FAT3: variants seen among roughly 807,000 people sequenced by gnomAD.
FAT3 encodes the protein protocadherin Fat 3.
FAT3 carries 95 observed loss-of-function variants against 310.2 expected under a neutral mutation model. The observed-to-expected ratio is 0.31, with a 90% confidence interval of 0.26 to 0.36. FAT3 has a LOEUF of 0.36. Ranked by LOEUF, FAT3 falls within the 10% of genes least tolerant of loss-of-function variation. The pLI is 1.00. For synonymous variants in FAT3, 2,314 were observed against 2,192.9 expected, an observed-to-expected ratio of 1.06 and a Z score of -1.54; for missense variants, 5,408 against 5,715.6, an observed-to-expected ratio of 0.95 and a Z score of 1.74.
intron 3 of FAT3, among the ~76,000 whole-genome samples, chr11:92,659,473 A>G (rs528011566): frequency 4.6e-5 from 7 of 152,292 alleles, no homozygotes; most frequent in Admixed American, 4.6e-4. Context: ...TAAACTTCAA[A>G]TAAGGATTCT....
At chr11:92,706,741 C>G (rs772991577) in intron 4 of FAT3, among the ~76,000 whole-genome samples, 1 of 152,176 alleles carries the variant, frequency 6.6e-6, no homozygotes, top group Non-Finnish European at 1.5e-5. Flanking sequence ...AGTTTCTTAT[C>G]TTCCCTTCAC....
chr11:92,430,906 A>G lies in FAT3; in HGVS notation c.3292+75502A>G, dbSNP rs562059308. On this transcript the variant is annotated intron_variant, in intron 2 of 27. Transcript: ENST00000525166. ...GTGCCACATTTTCTTAATCCAGTCT[A>G]TCATTGTTGGACATTTGGGTTGGTT... 2.9e-3 allele frequency among the ~76,000 whole-genome samples: 437 copies of G among 152,136 alleles called. 1 individual carries two copies. The highest frequency in any genetic ancestry group is 9.8e-3 in the African/African-American group (408 of 41,498).
chr11:92,772,353 A>G (rs1946480429), intron 6 of FAT3, among the ~76,000 whole-genome samples: 1 of 152,062 alleles, frequency 6.6e-6, no homozygotes, highest in African/African-American at 2.4e-5. Context: ...CTTAATAGCA[A>G]ATGATCATGT....
chr11:92,856,027 C>T (rs1948970788), intron 19 of FAT3, among the ~76,000 whole-genome samples: 1 of 139,062 alleles, frequency 7.2e-6, no homozygotes, highest in African/African-American at 2.7e-5. Context: ...GTTGCCCAGG[C>T]TAGTGTGCAG....
chr11:92,711,646 C>T lies in FAT3; in HGVS notation c.3669+14201C>T, dbSNP rs192802558. On this transcript the variant is annotated intron_variant, in intron 4 of 27. Transcript: ENST00000525166. ...GTAATACTCTACCTTATAGCATTTACCTACTGAAGGAAAAATTATACAGTG... is the reference window on the plus strand; with the variant it reads ...GTAATACTCTACCTTATAGCATTTATCTACTGAAGGAAAAATTATACAGTG... 1.4e-4 allele frequency among the ~76,000 whole-genome samples: 21 copies of T among 152,258 alleles called. 1 individual carries two copies. The East Asian group carries it at 4.1e-3, about 29-fold the overall frequency.
chr11:92,261,572 G>T (rs905318735), intron 1 of FAT3, among the ~76,000 whole-genome samples: 1 of 152,034 alleles, frequency 6.6e-6, no homozygotes, highest in African/African-American at 2.4e-5. Context: ...ATCTAACTGT[G>T]TGATTTTTTA....
intron 2 of FAT3, among the ~76,000 whole-genome samples, chr11:92,420,403 C>A (rs980806130): frequency 2.0e-5 from 3 of 152,140 alleles, no homozygotes; most frequent in Non-Finnish European, 4.4e-5. Flanking sequence ...AAGGCTGAAC[C>A]AAGTTTGCAT....
At chr11:92,522,048 C>T (rs1305278381) in intron 2 of FAT3, among the ~76,000 whole-genome samples, 26 of 152,106 alleles carry the variant, frequency 1.7e-4, no homozygotes, top group Admixed American at 1.6e-3. Context: ...GCACAGGGTC[C>T]AGTGGATGCC....
In FAT3 at chr11:92,790,539, A is replaced by T. The variant is rs1947014539; in HGVS notation, c.4611+321A>T. ...GCTCTGGGGTTGGTTTGCACCCAGA[A>T]GATTTCATAGAAAAATTGAAAAGAC... is the stretch of plus-strand genomic sequence containing the variant. On this transcript the variant is annotated intron_variant, in intron 8 of 27. Transcript: ENST00000525166. Among the ~76,000 whole-genome samples, 3 of 152,228 alleles carry T rather than the reference A, an allele frequency of 2.0e-5. No individual in the cohort carries two copies. In the South Asian group the frequency reaches 6.2e-4, roughly 32 times the overall value.
At chr11:92,366,594 A>G (rs1211341799) in intron 2 of FAT3, 11 of 525,532 alleles carry the variant, frequency 2.1e-5, no homozygotes, top group Non-Finnish European at 2.3e-5. Flanking sequence ...GTCCTTGTCC[A>G]ATTCATAGAC....
intron 3 of FAT3, among the ~76,000 whole-genome samples, chr11:92,640,848 A>G (rs566339879): frequency 6.6e-6 from 1 of 152,294 alleles, no homozygotes; most frequent in African/African-American, 2.4e-5. Context: ...GTGAATGTGA[A>G]TGTGGCTTCC....
chr11:92,768,687 A>G (rs1946384429), intron 6 of FAT3, among the ~76,000 whole-genome samples: 1 of 152,202 alleles, frequency 6.6e-6, no homozygotes, highest in Admixed American at 6.5e-5. Flanking sequence ...GAAAGAGGGA[A>G]CAATGCGCCT....
chr11:92,575,138 T>C (rs1938410043), intron 3 of FAT3, among the ~76,000 whole-genome samples: 1 of 152,308 alleles, frequency 6.6e-6, no homozygotes, highest in East Asian at 1.9e-4. Flanking sequence ...TTCACTAATA[T>C]CTTTTAGGTA....
intron 2 of FAT3, among the ~76,000 whole-genome samples, chr11:92,434,346 C>T (rs75132072): frequency 1.5e-3 from 227 of 152,160 alleles, no homozygotes; most frequent in African/African-American, 4.1e-3. Context: ...ATAAAAAGGG[C>T]GCATGTCTTA....
At chr11:92,493,863 G>A (rs1952676858) in intron 2 of FAT3, among the ~76,000 whole-genome samples, 1 of 152,004 alleles carries the variant, frequency 6.6e-6, no homozygotes, top group African/African-American at 2.4e-5. Flanking sequence ...CATGGGAAGT[G>A]AAGACACCAG....
intron 1 of FAT3, among the ~76,000 whole-genome samples, chr11:92,278,808 A>G (rs1473104849): frequency 2.0e-5 from 3 of 152,136 alleles, no homozygotes; most frequent in Non-Finnish European, 4.4e-5. Flanking sequence ...TAGTAAAGGT[A>G]TGGAGCTAGA....
chr11:92,339,953 A>G (rs1260908148), intron 1 of FAT3, among the ~76,000 whole-genome samples: 1 of 151,914 alleles, frequency 6.6e-6, no homozygotes, highest in African/African-American at 2.4e-5. Flanking sequence ...TCTACTAAAA[A>G]TACAAAAAAT....
intron 2 of FAT3, among the ~76,000 whole-genome samples, chr11:92,455,021 G>T (rs965594822): frequency 2.6e-5 from 4 of 152,086 alleles, no homozygotes; most frequent in Non-Finnish European, 5.9e-5. Context: ...TTATAGAACA[G>T]GGAGTTCCCA....
chr11:92,252,406 C>T (rs1865172399), intron 1 of FAT3, among the ~76,000 whole-genome samples: 1 of 151,992 alleles, frequency 6.6e-6, no homozygotes, highest in Non-Finnish European at 1.5e-5. Flanking sequence ...ACTAACAAAC[C>T]ATACTGGTTA....
Sources: allele counts gnomAD v4.1 joint callset (sites outside exome capture counted in the v4.1 genomes callset), GRCh38; gene constraint gnomAD v4.1.1; transcripts MANE v1.5; gene names NCBI Gene and HGNC (gene_info 2026-07-23, HGNC 2026-07-21).